The following WDR19 variants were observed in gnomAD, a reference collection of about 807,000 sequenced individuals.
WDR19 encodes the protein WD repeat domain 19.
WDR19 carries 121 observed loss-of-function variants against 180.0 expected under a neutral mutation model. The observed-to-expected ratio is 0.67, with a 90% CI of 0.58 to 0.78. The LOEUF (loss-of-function observed/expected upper bound fraction) is 0.78. Ranked by LOEUF, WDR19 falls within the 30% of genes least tolerant of loss-of-function variation. The probability of loss-of-function intolerance (pLI) is 0.00; values close to 1 mark genes in which losing one functional copy is unlikely to be tolerated. For missense variants in WDR19, 1,450 were observed against 1,640.7 expected (o/e 0.88, Z 2.01); for synonymous variants, 497 against 540.7 (o/e 0.92, Z 1.12).
chr4:39,182,549 A>C lies in WDR19; in HGVS notation c.-9A>C, dbSNP rs60800612. ...ACTTCATAGTTCGCGTAGCGGCTCG[A>C]GCGTGGAGATGAAGGTAAATAACTT... On this transcript the variant is annotated 5_prime_UTR_variant, in exon 1 of 37. Coordinates refer to ENST00000399820, the MANE Select transcript of WDR19 (RefSeq NM_025132.4). 1.2e-6 allele frequency: 2 copies of C among 1,613,436 alleles called. No individual in the cohort carries two copies. Among genetic ancestry groups the C allele is most frequent in the Non-Finnish European group, 1.7e-6 (2 of 1,179,802 alleles).
chr4:39,263,072 A>G (rs1024281392), intron 28 of WDR19, among the ~76,000 whole-genome samples: 1 of 69,024 alleles, frequency 1.4e-5, no homozygotes, highest in South Asian at 5.6e-4. Context: ...ACCCACGCCC[A>G]CCCACCCCCA....
intron 33 of WDR19, chr4:39,275,418 A>G (rs1735803516): frequency 4.3e-6 from 1 of 231,486 alleles, no homozygotes; most frequent in Non-Finnish European, 8.7e-6. Context: ...ACAGCAGCTT[A>G]ATCAAGTCAG....
intron 14 of WDR19, among the ~76,000 whole-genome samples, chr4:39,222,767 G>A (rs975652062): frequency 6.6e-6 from 1 of 152,028 alleles, no homozygotes; most frequent in Admixed American, 6.5e-5. Flanking sequence ...AAGAAACAAC[G>A]CAGAGAGAAG....
chr4:39,250,859 G>C (rs1733088857), intron 24 of WDR19, among the ~76,000 whole-genome samples: 1 of 152,146 alleles, frequency 6.6e-6, no homozygotes, highest in African/African-American at 2.4e-5. Flanking sequence ...AATAAAAGAG[G>C]ATACAAAGAA....
intron 36 of WDR19, among the ~76,000 whole-genome samples, chr4:39,284,752 C>T (rs191135819): frequency 3.8e-4 from 57 of 151,848 alleles, no homozygotes; most frequent in African/African-American, 1.3e-3. Flanking sequence ...AAAACATCCA[C>T]AGAATCTCTC....
Position 39,245,526 on chromosome 4 carries a change from A to T in WDR19, c.2729+74A>T. The T allele has an allele frequency of 4.1e-6, 6 of 1,473,148 alleles. No individual in the cohort carries two copies. In the South Asian group the frequency reaches 6.1e-5, roughly 15 times the overall value. The allele number at this position is 1,473,148 out of a possible 1,614,324, so 91.3% of individuals were successfully genotyped here. ...TACAAATTAACCATTGATATTTGCA[A>T]CCCTGTAAGAAAGGCAAACCAGAGA... On this transcript the variant is annotated intron_variant, in intron 24 of 36. Coordinates refer to ENST00000399820, the MANE Select transcript of WDR19 (RefSeq NM_025132.4).
chr4:39,211,314 A>G (rs1366624896), intron 9 of WDR19, among the ~76,000 whole-genome samples: 1 of 152,234 alleles, frequency 6.6e-6, no homozygotes, highest in East Asian at 1.9e-4. Flanking sequence ...CTCTTACTCA[A>G]CCTAGCATTA....
intron 28 of WDR19, among the ~76,000 whole-genome samples, chr4:39,258,463 ATTC>A (rs931472718): frequency 2.6e-5 from 4 of 152,112 alleles, no homozygotes; most frequent in Non-Finnish European, 5.9e-5. Context: ...GCAATAGGTC[ATTC>A]TTCTTCATTG....
intron 13 of WDR19, 138 bp from the exon 14 acceptor site, chr4:39,217,845 G>A: frequency 9.2e-7 from 1 of 1,086,994 alleles, no homozygotes; most frequent in Non-Finnish European, 1.3e-6. Context: ...CTGTGTGATA[G>A]CTTTCCAACT....
chr4:39,202,281 G>A (rs1727445737), intron 6 of WDR19, among the ~76,000 whole-genome samples: 1 of 151,962 alleles, frequency 6.6e-6, no homozygotes, highest in African/African-American at 2.4e-5. Context: ...CTAATCATCT[G>A]TGTATACATT....
intron 9 of WDR19, among the ~76,000 whole-genome samples, chr4:39,211,030 T>C (rs1728444014): frequency 6.6e-6 from 1 of 151,836 alleles, no homozygotes; most frequent in South Asian, 2.1e-4. Context: ...CACTTGAGCC[T>C]GGGAGGTTGA....
chr4:39,225,023 T>C lies in WDR19; in HGVS notation c.1619T>C (p.Val540Ala). Residue 540 changes from valine to alanine, a missense_variant, in exon 15 of 37, where the codon GTT becomes GCT. Coordinates refer to ENST00000399820, the MANE Select transcript of WDR19 (RefSeq NM_025132.4). ...ATTGATGAAAAAAGTGATGGATTTGTTTACTGTCCAGTAAGTCTGGAACAT... is the reference window on the plus strand; with the variant it reads ...ATTGATGAAAAAAGTGATGGATTTGCTTACTGTCCAGTAAGTCTGGAACAT... Reference protein sequence around the residue: ...VFIDEKSDGFVYCPVNDATYE... With the variant: ...VFIDEKSDGFAYCPVNDATYE... The C allele has an allele frequency of 6.4e-7, 1 of 1,560,822 alleles. No homozygotes were observed.
rs1028957516 is a variant in WDR19 at position 39,225,022 on chromosome 4, G to A, written c.1618G>A (p.Val540Ile). The A allele has an allele frequency of 1.9e-6, 3 of 1,560,046 alleles. No individual in the cohort carries two copies. Among genetic ancestry groups the A allele is most frequent in the African/African-American group, 1.4e-5 (1 of 73,250 alleles). The change falls in exon 15 of 37, where the codon GTT (valine) becomes ATT (isoleucine). Residue 540 changes from valine to isoleucine, a missense_variant. Coordinates refer to ENST00000399820, the MANE Select transcript of WDR19 (RefSeq NM_025132.4). ...VFIDEKSDGFVYCPVNDATYE... is the reference protein window; with the variant it reads ...VFIDEKSDGFIYCPVNDATYE... Reference sequence around the variant, plus strand: ...CATTGATGAAAAAAGTGATGGATTTGTTTACTGTCCAGTAAGTCTGGAACA... The same window carrying A: ...CATTGATGAAAAAAGTGATGGATTTATTTACTGTCCAGTAAGTCTGGAACA...
intron 5 of WDR19, among the ~76,000 whole-genome samples, chr4:39,198,078 T>C (rs1726961584): frequency 6.6e-6 from 1 of 151,786 alleles, no homozygotes; most frequent in Admixed American, 6.6e-5. Context: ...CCTGGGCTCA[T>C]GCAATCCTCC....
intron 20 of WDR19, among the ~76,000 whole-genome samples, chr4:39,239,889 A>G (rs1346163500): frequency 3.9e-5 from 6 of 152,124 alleles, no homozygotes; most frequent in African/African-American, 1.4e-4. Flanking sequence ...AAATTGGTCT[A>G]CTACTCCCCA....
intron 9 of WDR19, among the ~76,000 whole-genome samples, chr4:39,208,337 C>T (rs1475319069): frequency 5.9e-5 from 8 of 135,918 alleles, no homozygotes; most frequent in Non-Finnish European, 1.2e-4. Flanking sequence ...GACAGAGTCT[C>T]ACTCTGTTGC....
intron 28 of WDR19, among the ~76,000 whole-genome samples, chr4:39,263,584 G>A (rs1483403266): frequency 1.3e-5 from 2 of 152,004 alleles, no homozygotes; most frequent in Non-Finnish European, 2.9e-5. Context: ...CACTTCAAGT[G>A]TGCTCCACTC....
At chr4:39,208,134 A>G (rs922072882) in intron 9 of WDR19, among the ~76,000 whole-genome samples, 3 of 152,150 alleles carry the variant, frequency 2.0e-5, no homozygotes, top group Non-Finnish European at 2.9e-5. Context: ...TAGATAAATT[A>G]AAATGGAATA....
intron 25 of WDR19, 79 bp from the exon 26 acceptor site, chr4:39,253,827 A>G (rs1014212205): frequency 7.8e-7 from 1 of 1,289,944 alleles, no homozygotes; most frequent in South Asian, 1.6e-5. Flanking sequence ...TGATTTTTAA[A>G]TGGTTTCTCC....
Sources: allele counts gnomAD v4.1 joint callset (sites outside exome capture counted in the v4.1 genomes callset), GRCh38; gene constraint gnomAD v4.1.1; transcripts MANE v1.5; gene names NCBI Gene and HGNC (gene_info 2026-07-23, HGNC 2026-07-21).